Variants in TBC1D5 observed in about 807,000 individuals in gnomAD.
TBC1D5 encodes the protein TBC1 domain family, member 5.
Under a neutral mutation model 100.3 loss-of-function variants are expected in TBC1D5, and 75 were observed. The ratio of observed to expected loss-of-function variants is 0.75; its 90% CI spans 0.62 to 0.91. TBC1D5 has a LOEUF of 0.91. Ranked by LOEUF, TBC1D5 falls within the 40% of genes least tolerant of loss-of-function variation. The pLI is 0.00. For missense variants in TBC1D5, 910 were observed against 942.4 expected (o/e 0.97, Z 0.45); for synonymous variants, 323 against 325.6 (o/e 0.99, Z 0.09).
Position 17,631,767 on chromosome 3 carries a change from T to C in TBC1D5, c.-100-7854A>G, listed in dbSNP as rs1300154479. ...TGGATGACAGCACATCTGTTTGCAG[T>C]GTGATTTATTGAACATTTTAAGCCC... On this transcript the variant is annotated intron_variant, in intron 1 of 21. Coordinates refer to ENST00000253692, the Ensembl canonical transcript of TBC1D5. 2.0e-5 allele frequency among the ~76,000 whole-genome samples: 3 copies of C among 152,190 alleles called. No individual in the cohort carries two copies. The East Asian group carries it at 5.8e-4, about 29-fold the overall frequency.
chr3:17,169,317 T>C (rs1246836892), intron 19 of TBC1D5, among the ~76,000 whole-genome samples: 1 of 152,166 alleles, frequency 6.6e-6, no homozygotes, highest in Admixed American at 6.5e-5. Context: ...AATGAATTAA[T>C]AAATGAACAT....
intron 15 of TBC1D5, among the ~76,000 whole-genome samples, chr3:17,267,155 T>C (rs1338632320): frequency 6.6e-6 from 1 of 152,098 alleles, no homozygotes; most frequent in Non-Finnish European, 1.5e-5. Flanking sequence ...GAGAAATAAA[T>C]TTTTTTCTTT....
At chr3:17,328,873 T>C (rs2086526004) in intron 13 of TBC1D5, among the ~76,000 whole-genome samples, 2 of 152,366 alleles carry the variant, frequency 1.3e-5, no homozygotes, top group South Asian at 2.1e-4. Flanking sequence ...GAATTATATC[T>C]ATCGGTCATT....
intron 3 of TBC1D5, among the ~76,000 whole-genome samples, chr3:17,460,307 C>T (rs1453461117): frequency 2.0e-5 from 3 of 152,192 alleles, no homozygotes; most frequent in Admixed American, 1.3e-4. Flanking sequence ...AAAAATCTCA[C>T]TTTAATGGCT....
chr3:17,230,684 TAC>T (rs2075337621), intron 17 of TBC1D5, among the ~76,000 whole-genome samples: 2 of 152,230 alleles, frequency 1.3e-5, no homozygotes, highest in South Asian at 4.1e-4. Flanking sequence ...AATGTATATA[TAC>T]AAGTATAAAT....
exon 18 of TBC1D5, chr3:17,214,334 A>G (rs373904842): frequency 1.2e-6 from 2 of 1,613,032 alleles, no homozygotes; most frequent in African/African-American, 2.7e-5. Flanking sequence ...CAAACTCTCA[A>G]CGCTTGGAGA....
chr3:17,514,966 A>G (rs1429415044), intron 2 of TBC1D5, among the ~76,000 whole-genome samples: 1 of 151,172 alleles, frequency 6.6e-6, no homozygotes, highest in Non-Finnish European at 1.5e-5. Flanking sequence ...TATATATCCT[A>G]TTTTATATAG....
intron 10 of TBC1D5, 72 bp downstream of exon 10, chr3:17,376,453 T>C: frequency 7.7e-7 from 1 of 1,299,280 alleles, no homozygotes; most frequent in Non-Finnish European, 1.1e-6. Context: ...TAGAAGATTT[T>C]GAGGTTTCAA....
intron 2 of TBC1D5, among the ~76,000 whole-genome samples, chr3:17,578,870 T>C (rs2096673999): frequency 6.6e-6 from 1 of 152,014 alleles, no homozygotes; most frequent in East Asian, 1.9e-4. Flanking sequence ...AAGACAGAAA[T>C]TGTGAACTCC....
At chr3:17,693,442 G>A (rs887560420) in intron 1 of TBC1D5, among the ~76,000 whole-genome samples, 1 of 152,096 alleles carries the variant, frequency 6.6e-6, no homozygotes, top group Non-Finnish European at 1.5e-5. Context: ...CCTGTGCCTG[G>A]CTCGGTGGTT....
intron 13 of TBC1D5, among the ~76,000 whole-genome samples, chr3:17,362,735 G>T (rs575092245): frequency 6.6e-6 from 1 of 152,154 alleles, no homozygotes; most frequent in African/African-American, 2.4e-5. Context: ...GCCTGCCAAA[G>T]TGCTGGAATT....
At chr3:17,386,759 C>A (rs2093169120) in intron 8 of TBC1D5, among the ~76,000 whole-genome samples, 1 of 152,118 alleles carries the variant, frequency 6.6e-6, no homozygotes, top group Admixed American at 6.6e-5. Flanking sequence ...GGAAGGCTGC[C>A]CAATTCACGA....
At chr3:17,478,541 A>G (rs1436008919) in intron 3 of TBC1D5, among the ~76,000 whole-genome samples, 2 of 152,084 alleles carry the variant, frequency 1.3e-5, no homozygotes, top group African/African-American at 4.8e-5. Flanking sequence ...GTATTCCTAA[A>G]TATTTAGTTC....
chr3:17,619,566 T>C (rs2062474035), intron 2 of TBC1D5, among the ~76,000 whole-genome samples: 1 of 152,202 alleles, frequency 6.6e-6, no homozygotes, highest in Non-Finnish European at 1.5e-5. Context: ...AAATTCAATG[T>C]TTCTCATATC....
At chr3:17,486,456 G>C (rs567834252) in intron 3 of TBC1D5, among the ~76,000 whole-genome samples, 1 of 152,130 alleles carries the variant, frequency 6.6e-6, no homozygotes, top group Admixed American at 6.6e-5. Context: ...TTCTTCTAGG[G>C]TTTTGATGGT....
intron 2 of TBC1D5, among the ~76,000 whole-genome samples, chr3:17,546,534 C>A (rs1276647362): frequency 1.3e-5 from 2 of 151,622 alleles, no homozygotes; most frequent in Admixed American, 1.3e-4. Flanking sequence ...GAGGCTGAGG[C>A]GGGTGGATTG....
intron 13 of TBC1D5, among the ~76,000 whole-genome samples, chr3:17,365,780 C>T (rs940323791): frequency 1.6e-4 from 25 of 152,102 alleles, no homozygotes; most frequent in African/African-American, 5.8e-4. Context: ...GCTCATGGTC[C>T]AATGTGACAC....
At chr3:17,493,113 T>C (rs1479739717) in intron 3 of TBC1D5, among the ~76,000 whole-genome samples, 1 of 152,230 alleles carries the variant, frequency 6.6e-6, no homozygotes, top group South Asian at 2.1e-4. Context: ...CAGGAGATCT[T>C]GCAAGGCAAG....
At chr3:17,547,602 A>C (rs62248271) in intron 2 of TBC1D5, among the ~76,000 whole-genome samples, 1 of 152,320 alleles carries the variant, frequency 6.6e-6, no homozygotes, top group Admixed American at 6.5e-5. Flanking sequence ...ATGATAGTTA[A>C]GTACTATACA....
Sources: allele counts gnomAD v4.1 joint callset (sites outside exome capture counted in the v4.1 genomes callset), GRCh38; gene constraint gnomAD v4.1.1; transcripts MANE v1.5; gene names NCBI Gene and HGNC (gene_info 2026-07-23, HGNC 2026-07-21).